MNAT1: variants seen among roughly 807,000 people sequenced by gnomAD.
MNAT1 encodes CDK-activating kinase assembly factor MAT1.
MNAT1 carries 43 observed loss-of-function variants against 42.0 expected under a neutral mutation model. The observed-to-expected ratio is 1.02, with a 90% CI of 0.80 to 1.32. MNAT1 has a LOEUF of 1.32. MNAT1 is among the 40% of genes most tolerant of loss of function. The pLI, the probability that MNAT1 is intolerant of heterozygous loss-of-function variation, is 0.00. For missense variants in MNAT1, 306 were observed against 350.4 expected (o/e 0.87, Z 1.01); for synonymous variants, 118 against 120.0 (o/e 0.98, Z 0.11).
chr14:60,933,658 C>G (rs1052707988), intron 7 of MNAT1, among the ~76,000 whole-genome samples: 2 of 152,156 alleles, frequency 1.3e-5, no homozygotes, highest in African/African-American at 4.8e-5. Flanking sequence ...ATAATCACAT[C>G]TAAAACATGG....
intron 1 of MNAT1, among the ~76,000 whole-genome samples, chr14:60,791,331 T>C (rs1049247978): frequency 2.0e-5 from 3 of 152,186 alleles, no homozygotes; most frequent in African/African-American, 7.2e-5. Context: ...GAAAGTCTAC[T>C]ATCTCTTCAT....
Position 60,909,045 on chromosome 14 carries a change from G to A in MNAT1, c.809+29210G>A, listed in dbSNP as rs187866300. 4.3e-4 allele frequency among the ~76,000 whole-genome samples: 65 copies of A among 152,248 alleles called. 1 individual carries two copies. Among genetic ancestry groups the A allele is most frequent in the African/African-American group, 1.3e-3 (56 of 41,548 alleles). On this transcript the variant is annotated intron_variant, in intron 7 of 7. Coordinates refer to ENST00000261245, the MANE Select transcript of MNAT1 (RefSeq NM_002431.4). ...TGGTGTGAGATGGTATCTCATTGTG[G>A]TTTTGATTTGCATTTCTCTGATGGC...
At chr14:60,762,665 C>G (rs565317554) in intron 1 of MNAT1, among the ~76,000 whole-genome samples, 2 of 143,536 alleles carry the variant, frequency 1.4e-5, no homozygotes, top group East Asian at 4.1e-4. Flanking sequence ...GAGATCACAC[C>G]TCTGCACTCC....
At chr14:60,816,189 T>C (rs1473348535) in intron 5 of MNAT1, among the ~76,000 whole-genome samples, 1 of 152,170 alleles carries the variant, frequency 6.6e-6, no homozygotes, top group Non-Finnish European at 1.5e-5. Flanking sequence ...TTTTAACCTT[T>C]TAAAAAGTAT....
At chr14:60,903,754 C>G (rs968303935) in intron 7 of MNAT1, among the ~76,000 whole-genome samples, 2 of 151,780 alleles carry the variant, frequency 1.3e-5, no homozygotes, top group Non-Finnish European at 2.9e-5. Flanking sequence ...ATAGTCTTTA[C>G]CTTCGTCTTT....
chr14:60,926,154 C>T (rs1174698062), intron 7 of MNAT1, among the ~76,000 whole-genome samples: 1 of 152,190 alleles, frequency 6.6e-6, no homozygotes, highest in African/African-American at 2.4e-5. Context: ...CCTTATTCTA[C>T]CCACAAAGAG....
At chr14:60,852,266 G>T (rs1260857993) in intron 6 of MNAT1, among the ~76,000 whole-genome samples, 1 of 152,034 alleles carries the variant, frequency 6.6e-6, no homozygotes, top group East Asian at 1.9e-4. Context: ...GTTTTGATTT[G>T]CATTTCTCTA....
At chr14:60,908,543 AT>A (rs1566549340) in intron 7 of MNAT1, among the ~76,000 whole-genome samples, 1 of 151,150 alleles carries the variant, frequency 6.6e-6, no homozygotes, top group African/African-American at 2.4e-5. Context: ...TCATTGTTCA[AT>A]TCCCACCTAT....
intron 1 of MNAT1, among the ~76,000 whole-genome samples, chr14:60,766,878 A>G (rs1166684285): frequency 6.6e-6 from 1 of 152,252 alleles, no homozygotes. Context: ...CTTCAAATAC[A>G]TTATAGTTGA....
chr14:60,960,810 C>T (rs889893488), intron 7 of MNAT1, among the ~76,000 whole-genome samples: 34 of 152,254 alleles, frequency 2.2e-4, no homozygotes, highest in African/African-American at 6.0e-4. Context: ...TCACTGCCAC[C>T]ACCCTAATTC....
chr14:60,797,225 C>T lies in MNAT1; in HGVS notation c.242+856C>T, dbSNP rs539129906. Among the ~76,000 whole-genome samples, 8 of 152,182 alleles carry T rather than the reference C, an allele frequency of 5.3e-5. No individual in the cohort carries two copies. The South Asian group carries it at 6.2e-4, about 12-fold the overall frequency. On this transcript the variant is annotated intron_variant, in intron 2 of 7. Coordinates refer to ENST00000261245, the MANE Select transcript of MNAT1 (RefSeq NM_002431.4). The stretch of plus-strand genomic sequence containing the variant: ...AATAATACTTTATCAATCCGCCTAG[C>T]GGCTCTTTTATTGTTTGTATAACTT...
chr14:60,778,595 C>A (rs1594746634), intron 1 of MNAT1, among the ~76,000 whole-genome samples: 1 of 152,194 alleles, frequency 6.6e-6, no homozygotes, highest in African/African-American at 2.4e-5. Context: ...TCCACTAATA[C>A]GGGATCTTGA....
chr14:60,813,446 A>G (rs2032617789), intron 5 of MNAT1, among the ~76,000 whole-genome samples: 1 of 152,182 alleles, frequency 6.6e-6, no homozygotes, highest in Non-Finnish European at 1.5e-5. Flanking sequence ...GTGTGATTGT[A>G]CTTCTCACAT....
At chr14:60,877,689 G>A (rs1010813228) in intron 6 of MNAT1, among the ~76,000 whole-genome samples, 1 of 151,940 alleles carries the variant, frequency 6.6e-6, no homozygotes, top group Non-Finnish European at 1.5e-5. Context: ...AGCAAACACA[G>A]ACTATATAAA....
intron 6 of MNAT1, among the ~76,000 whole-genome samples, chr14:60,865,677 C>A (rs1190184620): frequency 6.6e-6 from 1 of 152,058 alleles, no homozygotes; most frequent in Non-Finnish European, 1.5e-5. Flanking sequence ...TCACATTTAT[C>A]AGTGCCCAAG....
intron 6 of MNAT1, among the ~76,000 whole-genome samples, chr14:60,833,158 A>G (rs930873889): frequency 3.3e-5 from 5 of 152,126 alleles, no homozygotes; most frequent in Admixed American, 6.5e-5. Flanking sequence ...TCCTCTTTGA[A>G]TACTCTTTAT....
chr14:60,803,651 C>T (rs1051911614), intron 3 of MNAT1, among the ~76,000 whole-genome samples: 8 of 152,012 alleles, frequency 5.3e-5, no homozygotes, highest in East Asian at 3.9e-4. Flanking sequence ...CATTTGAACT[C>T]GATCTTATAG....
chr14:60,753,786 A>C (rs563217226), intron 1 of MNAT1: 10 of 152,374 alleles, frequency 6.6e-5, no homozygotes, highest in Middle Eastern at 3.4e-3. Flanking sequence ...CTTGAATCCA[A>C]GAGGGCTCCC....
At chr14:60,869,041 T>TATATATATATATATATATATATA (rs373998263) in intron 6 of MNAT1, among the ~76,000 whole-genome samples, 45 of 92,724 alleles carry the variant, frequency 4.9e-4, no homozygotes, top group East Asian at 8.7e-4. Flanking sequence ...TATATATATA[T>TATATATATATATATATATATATA]TTTTTTTTTT....
Sources: allele counts gnomAD v4.1 joint callset (sites outside exome capture counted in the v4.1 genomes callset), GRCh38; gene constraint gnomAD v4.1.1; transcripts MANE v1.5; gene names NCBI Gene and HGNC (gene_info 2026-07-23, HGNC 2026-07-21).